Variants in TTC28 observed in about 807,000 individuals in gnomAD.
TTC28 encodes tetratricopeptide repeat domain 28.
A neutral mutation model predicts 198.0 loss-of-function variants in TTC28; 61 were observed. The observed-to-expected ratio is 0.31, with a 90% CI of 0.25 to 0.38. The LOEUF is 0.38. Ranked by LOEUF, TTC28 falls within the 10% of genes least tolerant of loss-of-function variation. The pLI, the probability that TTC28 is intolerant of heterozygous loss-of-function variation, is 1.00. For missense variants in TTC28, 2,678 were observed against 3,164.0 expected (o/e 0.85, Z 3.69); for synonymous variants, 1,171 against 1,297.8 (o/e 0.90, Z 2.10).
At chr22:28,328,668 C>T (rs1238402776) in intron 2 of TTC28, among the ~76,000 whole-genome samples, 1 of 150,990 alleles carries the variant, frequency 6.6e-6, no homozygotes, top group Non-Finnish European at 1.5e-5. Context: ...GCAGGAGAAT[C>T]GCTTGAACCT....
At chr22:28,027,234 G>C (rs1938871899) in intron 13 of TTC28, among the ~76,000 whole-genome samples, 1 of 152,168 alleles carries the variant, frequency 6.6e-6, no homozygotes, top group Admixed American at 6.5e-5. Context: ...CACTCCCAAA[G>C]GGTAGGGCTG....
In TTC28 at chr22:28,536,716, A is replaced by C. The variant is rs548593237; in HGVS notation, c.381+92836T>G. Among the ~76,000 whole-genome samples the C allele has an allele frequency of 4.6e-5, 7 of 152,334 alleles. No homozygotes were observed. In the South Asian group the frequency reaches 1.4e-3, roughly 32 times the overall value. On this transcript the variant is annotated intron_variant, in intron 2 of 22. Transcript: ENST00000397906. ...TGGACGGAAAGACTGAATGCCATGA[A>C]GGTGTCAATTCTCTGATCTATGACT...
intron 2 of TTC28, among the ~76,000 whole-genome samples, chr22:28,318,965 C>G (rs1231336657): frequency 6.6e-6 from 1 of 151,372 alleles, no homozygotes. Flanking sequence ...ACTACAGGTA[C>G]GTGCCACCAT....
chr22:28,125,269 C>A (rs1027206597), intron 6 of TTC28, among the ~76,000 whole-genome samples: 1 of 152,210 alleles, frequency 6.6e-6, no homozygotes, highest in African/African-American at 2.4e-5. Flanking sequence ...GGATCAGGTT[C>A]TCTGAGCCCT....
At chr22:28,483,091 A>G (rs1428461483) in intron 2 of TTC28, among the ~76,000 whole-genome samples, 1 of 152,194 alleles carries the variant, frequency 6.6e-6, no homozygotes, top group Non-Finnish European at 1.5e-5. Context: ...GTAAGGTCAT[A>G]TGGTAATTCT....
At chr22:28,513,252 A>G (rs532043814) in intron 2 of TTC28, among the ~76,000 whole-genome samples, 4 of 152,210 alleles carry the variant, frequency 2.6e-5, no homozygotes, top group Non-Finnish European at 2.9e-5. Context: ...CTTTATACCT[A>G]TACGAGTCAT....
In TTC28 at chr22:28,590,034, CAAAAAAAAAAAA is replaced by C. The variant is rs71194779; in HGVS notation, c.381+39506_381+39517del. 2.2e-4 allele frequency among the ~76,000 whole-genome samples: 15 copies of C among 68,052 alleles called. 1 individual carries two copies. The highest frequency in any genetic ancestry group is 7.2e-4 in the African/African-American group (7 of 9,742). 44.6% of individuals were successfully genotyped at this position (68,052 alleles called of 152,430 possible). A position where few individuals can be genotyped will look rare whatever the true frequency, so the allele number is the denominator to read the frequency against. ...CCTGGGCAACAGAACAAGACTCCAT[CAAAAAAAAAAAA>C]AAAAAAAAAAAAAAAACACAGAAAA... is the stretch of plus-strand genomic sequence containing the variant. On this transcript the variant is annotated intron_variant, in intron 2 of 22. Coordinates refer to ENST00000397906, the MANE Select transcript of TTC28 (RefSeq NM_001145418.2).
intron 2 of TTC28, among the ~76,000 whole-genome samples, chr22:28,489,596 T>C (rs1002837387): frequency 3.3e-5 from 5 of 152,104 alleles, no homozygotes; most frequent in Non-Finnish European, 7.4e-5. Context: ...AACTAAGTAG[T>C]AACACTTATA....
At chr22:28,474,481 G>A (rs73428096) in intron 2 of TTC28, among the ~76,000 whole-genome samples, 11,503 of 152,220 alleles carry the variant, frequency 0.076, 686 homozygotes, top group African/African-American at 0.17. Flanking sequence ...CTGAAGAGAG[G>A]AAAACAAAGT....
chr22:28,470,932 C>T (rs951078733), intron 2 of TTC28, among the ~76,000 whole-genome samples: 11 of 152,124 alleles, frequency 7.2e-5, no homozygotes, highest in African/African-American at 2.4e-4. Flanking sequence ...ACATTTCAGC[C>T]GAAGGCCTAC....
chr22:28,203,957 G>A (rs1926187187), intron 5 of TTC28, among the ~76,000 whole-genome samples: 1 of 152,070 alleles, frequency 6.6e-6, no homozygotes. Context: ...AAGAAAATAT[G>A]TTTATTCATT....
intron 12 of TTC28, among the ~76,000 whole-genome samples, chr22:28,034,898 C>G (rs1434028445): frequency 1.3e-5 from 2 of 152,038 alleles, no homozygotes; most frequent in African/African-American, 4.8e-5. Context: ...CATGCCGTCA[C>G]CAGAGGCAGG....
intron 1 of TTC28, 134 bp from the exon 2 acceptor site, chr22:28,629,964 G>A (rs1341941300): frequency 2.6e-6 from 2 of 766,760 alleles, no homozygotes; most frequent in East Asian, 2.7e-5. Context: ...GGGGCCTAAT[G>A]GGAGGTGTTT....
At chr22:28,494,471 C>T (rs973360442) in intron 2 of TTC28, among the ~76,000 whole-genome samples, 1 of 152,198 alleles carries the variant, frequency 6.6e-6, no homozygotes, top group Non-Finnish European at 1.5e-5. Context: ...AAACTGCCAA[C>T]TACCCCTCAC....
At chr22:28,363,933 C>T (rs548671639) in intron 2 of TTC28, among the ~76,000 whole-genome samples, 16 of 152,154 alleles carry the variant, frequency 1.1e-4, no homozygotes, top group African/African-American at 3.4e-4. Flanking sequence ...ACAGGCTCGT[C>T]GGTGGAAGGG....
intron 19 of TTC28, among the ~76,000 whole-genome samples, chr22:27,991,823 C>G (rs919788919): frequency 2.4e-4 from 37 of 152,204 alleles, no homozygotes; most frequent in Non-Finnish European, 4.4e-5. Flanking sequence ...CTACATGATG[C>G]TAAGAACTGG....
intron 2 of TTC28, among the ~76,000 whole-genome samples, chr22:28,476,128 A>ACCTC (rs1318177422): frequency 6.6e-6 from 1 of 151,964 alleles, no homozygotes; most frequent in African/African-American, 2.4e-5. Context: ...ACTTGTTTCT[A>ACCTC]CCTCCCCCAT....
At chr22:28,028,846 T>C (rs1938953631) in intron 13 of TTC28, 6 of 372,380 alleles carry the variant, frequency 1.6e-5, no homozygotes, top group South Asian at 1.2e-4. Context: ...TATTCCCACA[T>C]TACAGGAACC....
At chr22:28,181,101 G>T (rs764606875) in intron 5 of TTC28, among the ~76,000 whole-genome samples, 1 of 152,148 alleles carries the variant, frequency 6.6e-6, no homozygotes, top group African/African-American at 2.4e-5. Flanking sequence ...ATGGTAACCT[G>T]TCAGCCTTTT....
Sources: allele counts gnomAD v4.1 joint callset (sites outside exome capture counted in the v4.1 genomes callset), GRCh38; gene constraint gnomAD v4.1.1; transcripts MANE v1.5; gene names NCBI Gene and HGNC (gene_info 2026-07-23, HGNC 2026-07-21).